The following MYO3A variants were observed in gnomAD, a reference collection of about 807,000 sequenced individuals.
The protein encoded by MYO3A is myosin-IIIa.
MYO3A carries 180 observed loss-of-function variants against 192.7 expected under a neutral mutation model. That is an observed-to-expected ratio of 0.93 (90% CI 0.83 to 1.06). The LOEUF is 1.06. Ranked by LOEUF, MYO3A falls within the 50% of genes least tolerant of loss-of-function variation. The probability of loss-of-function intolerance (pLI) is 0.00; values close to 1 mark genes in which losing one functional copy is unlikely to be tolerated. For missense variants in MYO3A, 1,896 were observed against 1,905.0 expected, an observed-to-expected ratio of 1.00 and a Z score of 0.09; for synonymous variants, 628 against 645.3, an observed-to-expected ratio of 0.97 and a Z score of 0.41.
intron 10 of MYO3A, among the ~76,000 whole-genome samples, chr10:26,044,042 A>G (rs1218570626): frequency 1.3e-5 from 2 of 152,168 alleles, no homozygotes; most frequent in Admixed American, 1.3e-4. Context: ...GGGTCGTGCC[A>G]GGTCTTGGTT....
At chr10:26,089,462 G>A (rs1175457561) in intron 15 of MYO3A, among the ~76,000 whole-genome samples, 6 of 152,058 alleles carry the variant, frequency 3.9e-5, no homozygotes, top group Middle Eastern at 3.4e-3. Context: ...TTAGCCGGGC[G>A]TGGTGGTGGG....
intron 6 of MYO3A, among the ~76,000 whole-genome samples, chr10:26,014,544 C>T (rs1034574437): frequency 7.2e-5 from 11 of 152,030 alleles, no homozygotes; most frequent in Non-Finnish European, 1.0e-4. Flanking sequence ...AGAATATAGT[C>T]TTACCAAATA....
At chr10:26,091,094 C>T (rs1836673911) in intron 15 of MYO3A, among the ~76,000 whole-genome samples, 1 of 152,092 alleles carries the variant, frequency 6.6e-6, no homozygotes, top group South Asian at 2.1e-4. Flanking sequence ...GCAAGGGAGC[C>T]CAAGAATTGC....
At chr10:26,184,596 C>G (rs1285686591) in intron 31 of MYO3A, among the ~76,000 whole-genome samples, 1 of 151,238 alleles carries the variant, frequency 6.6e-6, no homozygotes, top group Non-Finnish European at 1.5e-5. Context: ...TTAAATCTAT[C>G]TTCTTTCTTC....
chr10:26,158,535 G>A (rs1028498121), intron 26 of MYO3A, among the ~76,000 whole-genome samples: 1 of 152,050 alleles, frequency 6.6e-6, no homozygotes, highest in African/African-American at 2.4e-5. Context: ...GATTACAGGC[G>A]TGAGCCACTG....
chr10:25,992,432 A>G (rs368403138), intron 4 of MYO3A, among the ~76,000 whole-genome samples: 3 of 152,318 alleles, frequency 2.0e-5, no homozygotes, highest in South Asian at 4.1e-4. Flanking sequence ...GGGTTTTCTA[A>G]ATATACAATC....
intron 4 of MYO3A, among the ~76,000 whole-genome samples, chr10:25,980,931 G>C (rs1317836609): frequency 6.6e-6 from 1 of 152,080 alleles, no homozygotes; most frequent in Non-Finnish European, 1.5e-5. Flanking sequence ...ATGATGATCT[G>C]TATCAATCAT....
Position 26,170,456 on chromosome 10 carries a change from T to G in MYO3A, c.3315T>G (p.Ile1105Met). The G allele has an allele frequency of 6.2e-7, 1 of 1,613,640 alleles. No homozygotes were observed. The highest frequency in any genetic ancestry group is 8.5e-7 in the Non-Finnish European group (1 of 1,179,742). ...TTGTCAGGAAACAAAGAAAAGAAAT[T>G]GTTGACATGAAAAACACAGCAGTAA... ...GHLVRKQRKE[I>M]VDMKNTAVTT... is the part of the protein sequence containing the mutation. Residue 1105 changes from isoleucine to methionine, a missense_variant, in exon 29 of 35, where the codon ATT becomes ATG. Ile to Met is a conservative substitution (Grantham distance 10). Transcript: ENST00000642920.
intron 10 of MYO3A, among the ~76,000 whole-genome samples, chr10:26,043,446 AG>A (rs889128832): frequency 2.0e-5 from 3 of 151,810 alleles, no homozygotes; most frequent in African/African-American, 7.3e-5. Flanking sequence ...GATGTCATCA[AG>A]GATCCAGGGA....
At chr10:25,972,103 C>T (rs1025368218) in intron 4 of MYO3A, among the ~76,000 whole-genome samples, 3 of 152,178 alleles carry the variant, frequency 2.0e-5, no homozygotes, top group Non-Finnish European at 2.9e-5. Flanking sequence ...CTCTTGTTTT[C>T]TCATACTGTC....
At chr10:26,092,786 C>T (rs1353354797) in intron 15 of MYO3A, among the ~76,000 whole-genome samples, 7 of 152,224 alleles carry the variant, frequency 4.6e-5, no homozygotes, top group Non-Finnish European at 1.0e-4. Context: ...GACCCCATGT[C>T]TGTCCCCAGG....
chr10:26,001,214 C>A (rs982844235), intron 6 of MYO3A, among the ~76,000 whole-genome samples: 1 of 152,172 alleles, frequency 6.6e-6, no homozygotes, highest in Admixed American at 6.5e-5. Flanking sequence ...TGCGGCATTC[C>A]TGTCTGCGGT....
chr10:25,995,333 C>T (rs544496192), intron 4 of MYO3A, among the ~76,000 whole-genome samples: 120 of 152,336 alleles, frequency 7.9e-4, no homozygotes, highest in Non-Finnish European at 1.4e-3. Context: ...ATGTAGTTCT[C>T]GTGCCGTGGT....
intron 4 of MYO3A, among the ~76,000 whole-genome samples, chr10:25,989,113 T>C (rs932776746): frequency 1.3e-5 from 2 of 151,824 alleles, no homozygotes; most frequent in African/African-American, 4.8e-5. Context: ...CTAATTTTTA[T>C]AAAAAAATTT....
chr10:26,170,833 C>A (rs1411862157), intron 29 of MYO3A, among the ~76,000 whole-genome samples: 2 of 152,356 alleles, frequency 1.3e-5, no homozygotes, highest in Middle Eastern at 3.4e-3. Context: ...TCATCCATAT[C>A]TAAATGTATC....
intron 4 of MYO3A, among the ~76,000 whole-genome samples, chr10:25,994,700 G>C (rs1840304945): frequency 6.6e-6 from 1 of 152,160 alleles, no homozygotes; most frequent in South Asian, 2.1e-4. Context: ...TTTAGGGAAG[G>C]CCTGGTGGTG....
intron 1 of MYO3A, among the ~76,000 whole-genome samples, chr10:25,934,741 G>A (rs1357806732): frequency 6.6e-6 from 1 of 151,142 alleles, no homozygotes; most frequent in African/African-American, 2.4e-5. Context: ...GGGTGAACCC[G>A]AGGAGGGAAC....
intron 4 of MYO3A, among the ~76,000 whole-genome samples, chr10:25,978,219 G>A (rs900872211): frequency 6.6e-6 from 1 of 151,994 alleles, no homozygotes; most frequent in Admixed American, 6.6e-5. Flanking sequence ...AAAATTAAGT[G>A]GCTATGTTTA....
chr10:26,131,096 G>A (rs1388885437), intron 20 of MYO3A, among the ~76,000 whole-genome samples: 3 of 152,074 alleles, frequency 2.0e-5, no homozygotes, highest in Non-Finnish European at 4.4e-5. Flanking sequence ...CACAAGTCTT[G>A]GGCAGCACCT....
Sources: gnomAD v4.1 joint callset for allele counts (sites outside exome capture counted in the v4.1 genomes callset) on GRCh38, gnomAD v4.1.1 for gene constraint, MANE v1.5 for transcripts, NCBI Gene and HGNC (gene_info 2026-07-23, HGNC 2026-07-21) for gene names.